Variants in SUCLG2 observed in about 807,000 individuals in gnomAD.
SUCLG2 encodes the protein succinate--CoA ligase [GDP-forming] subunit beta, mitochondrial.
SUCLG2 carries 42 observed loss-of-function variants against 47.9 expected under a neutral mutation model. The ratio of observed to expected loss-of-function variants is 0.88; its 90% CI spans 0.69 to 1.14. The LOEUF (loss-of-function observed/expected upper bound fraction) is 1.14. Ranked by LOEUF, SUCLG2 falls within the 50% of genes most tolerant of loss-of-function variation. The pLI is 0.00. For synonymous variants in SUCLG2, 195 were observed against 197.3 expected (o/e 0.99, Z 0.10); for missense variants, 571 against 525.9 (o/e 1.09, Z -0.84).
intron 9 of SUCLG2, among the ~76,000 whole-genome samples, chr3:67,414,866 T>C (rs1266568977): frequency 6.6e-6 from 1 of 152,190 alleles, no homozygotes; most frequent in Admixed American, 6.5e-5. Context: ...ATTTCTTTTT[T>C]CTTTATGAGA....
intron 1 of SUCLG2, among the ~76,000 whole-genome samples, chr3:67,635,309 G>T (rs1700990890): frequency 2.6e-5 from 4 of 152,186 alleles, no homozygotes. Flanking sequence ...CCTCTTGCCT[G>T]CCTTTCAAAG....
chr3:67,591,658 A>G (rs914929591), intron 2 of SUCLG2, among the ~76,000 whole-genome samples: 4 of 152,284 alleles, frequency 2.6e-5, no homozygotes, highest in South Asian at 4.2e-4. Context: ...AGACCTCCCC[A>G]GCCATGTGGA....
intron 9 of SUCLG2, among the ~76,000 whole-genome samples, chr3:67,487,454 T>C (rs188463719): frequency 1.3e-5 from 2 of 151,288 alleles, no homozygotes; most frequent in African/African-American, 4.9e-5. Context: ...ACATGACTGA[T>C]GACATAAATA....
chr3:67,574,085 T>C (rs1005430369), intron 2 of SUCLG2, among the ~76,000 whole-genome samples: 1 of 152,164 alleles, frequency 6.6e-6, no homozygotes, highest in Admixed American at 6.5e-5. Context: ...CCTTCCACCA[T>C]TTTCAAAGCC....
At chr3:67,541,054 A>G (rs1252126064) in intron 2 of SUCLG2, among the ~76,000 whole-genome samples, 1 of 152,240 alleles carries the variant, frequency 6.6e-6, no homozygotes, top group East Asian at 1.9e-4. Flanking sequence ...TCCAAAGGTG[A>G]CCAACATCAA....
intron 4 of SUCLG2, among the ~76,000 whole-genome samples, chr3:67,526,325 G>T (rs2107141588): frequency 6.6e-6 from 1 of 152,314 alleles, no homozygotes; most frequent in African/African-American, 2.4e-5. Flanking sequence ...ATAATGTTTA[G>T]AAAGGTTACA....
In SUCLG2 at chr3:67,521,061, A is replaced by G. The variant is rs573722749; in HGVS notation, c.418-427T>C. ...GATTGCCACAGACGGATTCTTTTAC[A>G]GTATGTCTGATGCTTCATATGTTTG... On this transcript the variant is annotated intron_variant, in intron 4 of 10. Coordinates refer to ENST00000307227, the MANE Select transcript of SUCLG2 (RefSeq NM_003848.4). 9.2e-5 allele frequency among the ~76,000 whole-genome samples: 14 copies of G among 152,320 alleles called. No homozygotes were observed. In the South Asian group the frequency reaches 2.1e-3, roughly 23 times the overall value.
At chr3:67,385,986 TAGA>T (rs1702249113) in intron 10 of SUCLG2, among the ~76,000 whole-genome samples, 1 of 152,124 alleles carries the variant, frequency 6.6e-6, no homozygotes, top group African/African-American at 2.4e-5. Flanking sequence ...CCTGAGAGGC[TAGA>T]AGGTCTCAGA....
intron 6 of SUCLG2, among the ~76,000 whole-genome samples, chr3:67,517,367 C>T (rs1295378591): frequency 6.6e-6 from 1 of 152,150 alleles, no homozygotes; most frequent in Non-Finnish European, 1.5e-5. Flanking sequence ...TGCTGCCCAA[C>T]CAAATTAAAG....
chr3:67,610,313 T>C (rs1212948091), intron 1 of SUCLG2, among the ~76,000 whole-genome samples: 2 of 152,214 alleles, frequency 1.3e-5, no homozygotes, highest in Non-Finnish European at 2.9e-5. Context: ...GTTCCTAAAC[T>C]GCAACTTGTG....
At position 67,606,671 on chromosome 3, in the gene SUCLG2, CA is replaced by C. The variant is rs534674383; in HGVS notation, c.226+2783del. Among the ~76,000 whole-genome samples the C allele has an allele frequency of 1.1e-3, 167 of 152,266 alleles. 4 individuals are homozygous for C. The highest frequency in any genetic ancestry group is 0.011 in the Admixed American group (166 of 15,294). On this transcript the variant is annotated intron_variant, in intron 2 of 10. Transcript: ENST00000307227. ...ATCTTATTTTACTGGGATTTTTTCA[CA>C]GTAAAAACCAATCTTGATAGCTTTT...
At position 67,375,077 on chromosome 3, in the gene SUCLG2, T is replaced by C; in HGVS notation, c.*667A>G. ...CAAATAAGGCTTCTGGTTTTCTTTT[T>C]AGTGTGAGGTAAACAGTATATTCAA... On this transcript the variant is annotated 3_prime_UTR_variant, in exon 11 of 11. Coordinates refer to ENST00000307227, the MANE Select transcript of SUCLG2 (RefSeq NM_003848.4). 1 of 985,818 alleles carries C rather than the reference T, an allele frequency of 1.0e-6. No individual in the cohort carries two copies. Among genetic ancestry groups the C allele is most frequent in the East Asian group, 1.1e-4 (1 of 8,820 alleles). 61.1% of individuals were successfully genotyped at this position (985,818 alleles called of 1,614,324 possible).
chr3:67,596,808 C>A (rs76478767), intron 2 of SUCLG2, among the ~76,000 whole-genome samples: 1 of 152,210 alleles, frequency 6.6e-6, no homozygotes, highest in Non-Finnish European at 1.5e-5. Flanking sequence ...ATAACACACA[C>A]AACACTGGCA....
At chr3:67,399,134 C>T (rs1702624813) in intron 10 of SUCLG2, among the ~76,000 whole-genome samples, 1 of 151,008 alleles carries the variant, frequency 6.6e-6, no homozygotes, top group Non-Finnish European at 1.5e-5. Flanking sequence ...AACTAACCTG[C>T]ACATTGTGCA....
At chr3:67,363,195 A>G (rs1701828861) in intron 10 of SUCLG2, among the ~76,000 whole-genome samples, 1 of 152,322 alleles carries the variant, frequency 6.6e-6, no homozygotes, top group Admixed American at 6.5e-5. Flanking sequence ...CATTGGTATA[A>G]ATCTTTGGAT....
At chr3:67,467,114 GA>G (rs1292449417) in intron 9 of SUCLG2, among the ~76,000 whole-genome samples, 4 of 152,146 alleles carry the variant, frequency 2.6e-5, no homozygotes, top group Admixed American at 2.6e-4. Context: ...ACTAATTAAT[GA>G]CCTCTGGCCT....
intron 6 of SUCLG2, among the ~76,000 whole-genome samples, chr3:67,510,811 T>A (rs1402164539): frequency 1.3e-5 from 2 of 152,160 alleles, no homozygotes. Context: ...TGATTAAACA[T>A]TTGTAGGATA....
chr3:67,450,548 A>G (rs1305387927), intron 9 of SUCLG2, among the ~76,000 whole-genome samples: 3 of 152,234 alleles, frequency 2.0e-5, no homozygotes, highest in Non-Finnish European at 4.4e-5. Flanking sequence ...AGTTGAAAAA[A>G]ATTGAACAGT....
At chr3:67,476,835 T>C (rs6788383) in intron 9 of SUCLG2, among the ~76,000 whole-genome samples, 10,764 of 152,212 alleles carry the variant, frequency 0.071, 447 homozygotes, top group East Asian at 0.2. Context: ...CAGTGGAAGA[T>C]AACAGGAAAA....
Sources: gnomAD v4.1 joint callset for allele counts (sites outside exome capture counted in the v4.1 genomes callset) on GRCh38, gnomAD v4.1.1 for gene constraint, MANE v1.5 for transcripts, NCBI Gene and HGNC (gene_info 2026-07-23, HGNC 2026-07-21) for gene names.